The following SOS2 variants were observed in gnomAD, a reference collection of about 807,000 sequenced individuals.
The protein encoded by SOS2 is son of sevenless homolog 2.
Under a neutral mutation model 148.2 loss-of-function variants are expected in SOS2, and 65 were observed. The ratio of observed to expected loss-of-function variants is 0.44; its 90% CI spans 0.36 to 0.54. The LOEUF (loss-of-function observed/expected upper bound fraction) is 0.54, where lower values mean the gene tolerates loss of function less well. Ranked by LOEUF, SOS2 falls within the 20% of genes least tolerant of loss-of-function variation. The pLI is 0.00. For missense variants in SOS2, 1,341 were observed against 1,590.2 expected, an observed-to-expected ratio of 0.84 and a Z score of 2.67; for synonymous variants, 539 against 537.1, an observed-to-expected ratio of 1.00 and a Z score of -0.05.
intron 4 of SOS2, 22 bp downstream of exon 4, chr14:50,199,669 T>G: frequency 6.8e-7 from 1 of 1,480,792 alleles, no homozygotes; most frequent in Non-Finnish European, 9.2e-7. Context: ...CAAGTTAAAT[T>G]TAAATACCTT....
At position 50,159,732 on chromosome 14, in the gene SOS2, T is replaced by C. The variant is rs1594980566; in HGVS notation, c.1551A>G (p.Lys517=). The C allele has an allele frequency of 6.2e-7, 1 of 1,614,094 alleles. No individual in the cohort carries two copies. The change falls in exon 10 of 23, where the codon AAA becomes AAG. Residue 517 remains lysine, a synonymous_variant. Coordinates refer to ENST00000216373, the MANE Select transcript of SOS2 (RefSeq NM_006939.4). ...EHKHAFELVS[K]DENSIIFAAK... ...CAGCAAATATTATGCTGTTCTCATC[T>C]TTGGATACTAATTCAAATGCATGCT...
At chr14:50,155,149 G>A (rs555309809) in intron 12 of SOS2, among the ~76,000 whole-genome samples, 13 of 152,082 alleles carry the variant, frequency 8.5e-5, no homozygotes, top group African/African-American at 3.1e-4. Flanking sequence ...GGGTTTATGG[G>A]TGTTCATTGT....
intron 1 of SOS2, among the ~76,000 whole-genome samples, chr14:50,222,669 A>G (rs923181755): frequency 6.6e-6 from 1 of 152,254 alleles, no homozygotes; most frequent in Admixed American, 6.5e-5. Context: ...AGACTAAAAC[A>G]TGTCTACGTT....
chr14:50,149,941 T>C, intron 14 of SOS2, 67 bp downstream of exon 14: 1 of 1,134,924 alleles, frequency 8.8e-7, no homozygotes. Flanking sequence ...ATGTGCAAAA[T>C]GTTTTGAAAA....
At chr14:50,160,247 A>G (rs1322504332) in intron 9 of SOS2, among the ~76,000 whole-genome samples, 161 bp from the exon 10 acceptor site, 1 of 152,092 alleles carries the variant, frequency 6.6e-6, no homozygotes, top group Non-Finnish European at 1.5e-5. Flanking sequence ...TACAGCCCTC[A>G]ATTTCATTAT....
intron 1 of SOS2, among the ~76,000 whole-genome samples, chr14:50,206,240 G>A (rs909393580): frequency 1.3e-5 from 2 of 151,850 alleles, no homozygotes; most frequent in African/African-American, 4.8e-5. Flanking sequence ...TAATATGTAT[G>A]TTTTCTCTAA....
At chr14:50,208,728 GGA>G (rs1886760022) in intron 1 of SOS2, among the ~76,000 whole-genome samples, 1 of 152,154 alleles carries the variant, frequency 6.6e-6, no homozygotes, top group Non-Finnish European at 1.5e-5. Context: ...GCTTTCCTTT[GGA>G]GATCAAGGAA....
At chr14:50,196,033 GA>G (rs1407436804) in intron 4 of SOS2, among the ~76,000 whole-genome samples, 1 of 151,646 alleles carries the variant, frequency 6.6e-6, no homozygotes. Context: ...TCTCAAAAAA[GA>G]AAAAAAACAA....
At chr14:50,195,751 C>G (rs1199197006) in intron 4 of SOS2, among the ~76,000 whole-genome samples, 2 of 151,916 alleles carry the variant, frequency 1.3e-5, no homozygotes, top group Non-Finnish European at 2.9e-5. Flanking sequence ...AACAAAGAAG[C>G]TGGGTGTGGT....
intron 21 of SOS2, among the ~76,000 whole-genome samples, chr14:50,126,111 AACAGAAATACT>A (rs1479688495): frequency 6.6e-6 from 1 of 152,240 alleles, no homozygotes; most frequent in Non-Finnish European, 1.5e-5. Flanking sequence ...CTAAAATATG[AACAGAAATACT>A]ACTGGACAAG....
chr14:50,180,059 C>T (rs983647234), intron 7 of SOS2, among the ~76,000 whole-genome samples: 1 of 151,576 alleles, frequency 6.6e-6, no homozygotes. Context: ...AGCTGGAGTG[C>T]AGTGGCGCGA....
intron 21 of SOS2, among the ~76,000 whole-genome samples, chr14:50,123,255 C>CTGAGTGAAGGGGGAGAAT (rs1374064609): frequency 2.0e-5 from 3 of 152,050 alleles, no homozygotes; most frequent in Admixed American, 1.3e-4. Context: ...TTGAGGCAGA[C>CTGAGTGAAGGGGGAGAAT]TGAGTGAAGG....
chr14:50,199,794 T>C lies in SOS2; in HGVS notation c.407A>G (p.Tyr136Cys). The C allele has an allele frequency of 6.3e-7, 1 of 1,596,548 alleles. No homozygotes were observed. The highest frequency in any genetic ancestry group is 2.2e-5 in the East Asian group (1 of 44,634). The part of the protein sequence containing the change: ...VSLYIVAVLE[Y>C]ISADILKLAG... The stretch of plus-strand genomic sequence containing the variant: ...CAATTTTAAAATATCAGCTGAGATA[T>C]ACTCTAGTACAGCCACAATATATAG... The change falls in exon 4 of 23, where the codon TAT becomes TGT. Residue 136 changes from tyrosine (Y) to cysteine (C), a missense_variant. By Grantham distance (194) the Tyr-to-Cys change is radical. Around this residue, in one of 4 missense-constraint regions of SOS2, gnomAD observed 574 missense variants for 711.1 expected, o/e 0.81. Coordinates refer to ENST00000216373, the MANE Select transcript of SOS2 (RefSeq NM_006939.4).
chr14:50,225,262 G>T (rs1303045444), intron 1 of SOS2, among the ~76,000 whole-genome samples: 3 of 152,096 alleles, frequency 2.0e-5, no homozygotes, highest in East Asian at 3.8e-4. Context: ...GCCCATGGAA[G>T]AAAATAATTT....
At chr14:50,207,155 A>T (rs1419770962) in intron 1 of SOS2, among the ~76,000 whole-genome samples, 1 of 152,194 alleles carries the variant, frequency 6.6e-6, no homozygotes, top group Non-Finnish European at 1.5e-5. Context: ...TTTTAAAAAG[A>T]TACTCTCCAA....
At chr14:50,160,931 A>G (rs2139633721) in intron 9 of SOS2, among the ~76,000 whole-genome samples, 3 of 152,218 alleles carry the variant, frequency 2.0e-5, no homozygotes, top group African/African-American at 7.2e-5. Flanking sequence ...GGACTGCTTG[A>G]GCCCAGGAGG....
chr14:50,221,329 C>T (rs1395840957), intron 1 of SOS2, among the ~76,000 whole-genome samples: 1 of 152,072 alleles, frequency 6.6e-6, no homozygotes, highest in African/African-American at 2.4e-5. Context: ...GGCCAAACAC[C>T]CACGTCTGTC....
At chr14:50,127,138 CTTTTTT>C (rs5808538) in intron 21 of SOS2, among the ~76,000 whole-genome samples, 1 of 105,328 alleles carries the variant, frequency 9.5e-6, no homozygotes, top group Non-Finnish European at 1.8e-5. Flanking sequence ...AGAAGGTCTC[CTTTTTT>C]TTTTTTTTTT....
Position 50,193,748 on chromosome 14 carries a change from C to A in SOS2, c.511-5048G>T, listed in dbSNP as rs80060124. ...TAACTAGACCCACATATCAAGTCAT[C>A]GGGATTTTTTTTTTTTTTGAGACAT... is the stretch of plus-strand genomic sequence containing the variant. On this transcript the variant is annotated intron_variant, in intron 4 of 22. Transcript: ENST00000216373. Among the ~76,000 whole-genome samples, 1,233 of 151,428 alleles carry A rather than the reference C, an allele frequency of 8.1e-3. 15 individuals are homozygous for A. Among genetic ancestry groups the A allele is most frequent in the African/African-American group, 0.027 (1,111 of 41,268 alleles).
Sources: gnomAD v4.1 joint callset for allele counts (sites outside exome capture counted in the v4.1 genomes callset) on GRCh38, gnomAD v4.1.1 for gene constraint, gnomAD v4.1.1 regional missense constraint, MANE v1.5 for transcripts, NCBI Gene and HGNC (gene_info 2026-07-23, HGNC 2026-07-21) for gene names.